Variants in A2M observed in about 807,000 individuals in gnomAD.
The protein encoded by A2M is alpha-2-macroglobulin, also known as C3 and PZP-like alpha-2-macroglobulin domain-containing protein 5.
A neutral mutation model predicts 183.9 loss-of-function variants in A2M; 128 were observed. The ratio of observed to expected loss-of-function variants is 0.70; its 90% CI spans 0.60 to 0.81. The LOEUF (loss-of-function observed/expected upper bound fraction) is 0.81, where lower values mean the gene tolerates loss of function less well. Among genes scored for constraint, A2M ranks in the 30% least tolerant of loss-of-function variants. A2M has a pLI of 0.00. For synonymous variants in A2M, 592 were observed against 670.8 expected, an observed-to-expected ratio of 0.88 and a Z score of 1.81; for missense variants, 1,495 against 1,787.6, an observed-to-expected ratio of 0.84 and a Z score of 2.95.
rs1225827314 is a variant in A2M, at chr12:9,098,682, C to T, written c.1776G>A (p.Gln592=). 6.2e-7 allele frequency: 1 copy of T among 1,611,950 alleles called. No homozygotes were observed. ...HAHLRVTAAP[Q]SVCALRAVDQ... ...CCACAGCACGGAGGGCGCAGACGGACTGAGGAGCCGCTGTGACTCGCAGGT... is the reference window on the plus strand; with the variant it reads ...CCACAGCACGGAGGGCGCAGACGGATTGAGGAGCCGCTGTGACTCGCAGGT... The change falls in exon 15 of 36, where the codon CAG becomes CAA. Residue 592 remains glutamine, a synonymous_variant. Coordinates refer to ENST00000318602, the MANE Select transcript of A2M (RefSeq NM_000014.6).
chr12:9,068,995 G>C (rs1433687181), intron 33 of A2M, 153 bp from the exon 34 acceptor site: 3 of 528,306 alleles, frequency 5.7e-6, no homozygotes, highest in Non-Finnish European at 9.9e-6. Flanking sequence ...ATCTCTCAGA[G>C]GGGATGATAA....
chr12:9,079,898 C>T, intron 23 of A2M, 83 bp from the exon 24 acceptor site: 3 of 1,321,924 alleles, frequency 2.3e-6, no homozygotes, highest in South Asian at 4.0e-5. Context: ...ATTAGTTGAG[C>T]TTAGAAATTG....
At position 9,072,858 on chromosome 12, in the gene A2M, G is replaced by A. The variant is rs1219163019; in HGVS notation, c.3770C>T (p.Ala1257Val). 1.2e-6 allele frequency: 2 copies of A among 1,613,738 alleles called. No individual in the cohort carries two copies. The highest frequency in any genetic ancestry group is 1.7e-6 in the Non-Finnish European group (2 of 1,179,856). Residue 1257 changes from alanine to valine, a missense_variant, in exon 30 of 36, where the codon GCT becomes GTT. Coordinates refer to ENST00000318602, the MANE Select transcript of A2M (RefSeq NM_000014.6). ...GFSSTQDTVV[A>V]LHALSKYGAA... ...TCCATATTTGGACAGAGCATGGAGA[G>A]CCACCACTGTGTCCTGTTAGAGACA...
chr12:9,087,786 TAAAG>T (rs1314646049), intron 22 of A2M, among the ~76,000 whole-genome samples: 1 of 152,090 alleles, frequency 6.6e-6, no homozygotes, highest in Non-Finnish European at 1.5e-5. Context: ...ACAATGTAAT[TAAAG>T]AACAACAACA....
rs375931451 is a variant in A2M at position 9,098,818 on chromosome 12, G to A, written c.1702-62C>T. On this transcript the variant is annotated intron_variant, in intron 14 of 35. Coordinates refer to ENST00000318602, the MANE Select transcript of A2M (RefSeq NM_000014.6). ...TCCAGGTTTACCCATGCATTCACTC[G>A]CATTTGCAGAGTGTTCCTCATGTAC... 88 of 1,561,494 alleles carry A rather than the reference G, an allele frequency of 5.6e-5. 1 individual carries two copies. The South Asian group carries it at 7.7e-4, about 14-fold the overall frequency.
At chr12:9,093,891 T>TCAAACAAACAAACAAA (rs3832851) in intron 17 of A2M, among the ~76,000 whole-genome samples, 1 of 150,904 alleles carries the variant, frequency 6.6e-6, no homozygotes, top group African/African-American at 2.5e-5. Context: ...AGACTTCGTC[T>TCAAACAAACAAACAAA]CAAACAAACA....
At chr12:9,085,668 T>G (rs2137751513) in intron 22 of A2M, among the ~76,000 whole-genome samples, 1 of 151,380 alleles carries the variant, frequency 6.6e-6, no homozygotes, top group East Asian at 1.9e-4. Flanking sequence ...AGAGCAGAAA[T>G]AAATCAAATA....
chr12:9,089,836 ATAT>A, intron 21 of A2M, 63 bp downstream of exon 21: 2 of 1,003,508 alleles, frequency 2.0e-6, no homozygotes, highest in East Asian at 5.7e-5. Flanking sequence ...AAATATCCAT[ATAT>A]TATTATATTA....
At chr12:9,090,045 A>C in intron 20 of A2M, 22 bp from the exon 21 acceptor site, 2 of 1,581,038 alleles carry the variant, frequency 1.3e-6, no homozygotes, top group Non-Finnish European at 1.7e-6. Context: ...GGCCAGTAGA[A>C]ATGAATAGCA....
Position 9,106,343 on chromosome 12 carries a change from C to T in A2M, c.997G>A (p.Val333Met). 1 of 1,596,518 alleles carries T rather than the reference C, an allele frequency of 6.3e-7. No individual in the cohort carries two copies. Among genetic ancestry groups the T allele is most frequent in the East Asian group, 2.2e-5 (1 of 44,676 alleles). The change falls in exon 10 of 36, where the codon GTG (valine) becomes ATG (methionine). Residue 333 changes from valine to methionine, a missense_variant and splice_region_variant. Val to Met is a conservative substitution (Grantham distance 21). Coordinates refer to ENST00000318602, the MANE Select transcript of A2M (RefSeq NM_000014.6). ...CTGGACTGCCTTCCAGTCAATTCCA[C>T]CACTGAAAAAAGAGAAAAAAATCTG... is the stretch of plus-strand genomic sequence containing the variant. Reference protein sequence around the residue: ...EAQIQEEGTVVELTGRQSSEI... With the variant: ...EAQIQEEGTVMELTGRQSSEI...
chr12:9,096,950 C>T (rs997757093), intron 15 of A2M, among the ~76,000 whole-genome samples: 2 of 152,150 alleles, frequency 1.3e-5, no homozygotes, highest in Non-Finnish European at 2.9e-5. Flanking sequence ...ATGACCTACA[C>T]TAGTAGCAGC....
chr12:9,113,305 C>G, intron 2 of A2M, 55 bp downstream of exon 2: 1 of 1,570,008 alleles, frequency 6.4e-7, no homozygotes, highest in Non-Finnish European at 8.7e-7. Flanking sequence ...AATACTAGAT[C>G]CCTATGACCC....
chr12:9,077,294 GT>G, intron 27 of A2M, 51 bp downstream of exon 27: 2 of 1,517,534 alleles, frequency 1.3e-6, no homozygotes, highest in Non-Finnish European at 1.8e-6. Context: ...CAGGTCAGCA[GT>G]TTCATTGCAT....
At position 9,074,781 on chromosome 12, in the gene A2M, T is replaced by G; in HGVS notation, c.3535A>C (p.Asn1179His). Residue 1179 changes from asparagine to histidine, a missense_variant and splice_region_variant, in exon 29 of 36, where the codon AAC becomes CAC. Coordinates refer to ENST00000318602, the MANE Select transcript of A2M (RefSeq NM_000014.6). ...SLNEEAVKKD[N>H]SVHWERPQKP... ...TGAGGGCGCTCCCAATGGACAGAGT[T>G]GTCTTAAAGATGAGAAAAAGATATT... 6.2e-7 allele frequency: 1 copy of G among 1,609,826 alleles called. No individual in the cohort carries two copies. Among genetic ancestry groups the G allele is most frequent in the Non-Finnish European group, 8.5e-7 (1 of 1,178,038 alleles).
At chr12:9,107,098 C>T (rs1192391240) in intron 8 of A2M, among the ~76,000 whole-genome samples, 1 of 152,094 alleles carries the variant, frequency 6.6e-6, no homozygotes. Flanking sequence ...AGTCTGGTTC[C>T]TCCTCCATAA....
At chr12:9,103,117 A>C (rs1330343583) in intron 11 of A2M, among the ~76,000 whole-genome samples, 1 of 152,198 alleles carries the variant, frequency 6.6e-6, no homozygotes, top group Admixed American at 6.5e-5. Flanking sequence ...AAATAAAGTA[A>C]GGTAATAATT....
intron 29 of A2M, among the ~76,000 whole-genome samples, chr12:9,073,274 T>C (rs1185650568): frequency 6.6e-6 from 1 of 152,234 alleles, no homozygotes. Context: ...TATTAAACTT[T>C]GCTCAGTTGC....
At chr12:9,099,344 T>A in intron 14 of A2M, 37 bp downstream of exon 14, 1 of 1,537,458 alleles carries the variant, frequency 6.5e-7, no homozygotes, top group East Asian at 2.4e-5. Context: ...AACTTCTAGT[T>A]TTACATGTTG....
chr12:9,072,238 C>A, intron 31 of A2M, 121 bp downstream of exon 31: 1 of 1,142,346 alleles, frequency 8.8e-7, no homozygotes, highest in South Asian at 1.5e-5. Flanking sequence ...TAAGAGAATA[C>A]ATTGCATTTT....
Sources: gnomAD v4.1 joint callset for allele counts (sites outside exome capture counted in the v4.1 genomes callset) on GRCh38, gnomAD v4.1.1 for gene constraint, MANE v1.5 for transcripts, NCBI Gene and HGNC (gene_info 2026-07-23, HGNC 2026-07-21) for gene names.